Variants in RPSA2 observed in about 807,000 individuals in gnomAD.
RPSA2 encodes the protein small ribosomal subunit protein uS2B.
At chr19:23,805,443 A>C in the RPSA2 span, among the ~76,000 whole-genome samples, 2 of 152,266 alleles carry the variant, frequency 1.3e-5, no homozygotes, top group Middle Eastern at 3.4e-3. Context: ...GATTACAGGC[A>C]TGAGCCACCT....
chr19:23,843,591 A>G, the RPSA2 span, among the ~76,000 whole-genome samples: 2 of 152,154 alleles, frequency 1.3e-5, no homozygotes, highest in African/African-American at 2.4e-5. Context: ...AATATCTCTA[A>G]CTATTTTTGA....
At chr19:23,852,923 T>A in the RPSA2 span, among the ~76,000 whole-genome samples, 1 of 152,260 alleles carries the variant, frequency 6.6e-6, no homozygotes. Flanking sequence ...AATTTTATCC[T>A]GAGCAATGTG....
At chr19:23,802,008 C>T in the RPSA2 span, among the ~76,000 whole-genome samples, 1 of 152,176 alleles carries the variant, frequency 6.6e-6, no homozygotes, top group Admixed American at 6.5e-5. Flanking sequence ...CTAGAATCTG[C>T]ACATAAGGTC....
chr19:23,806,114 G>A, the RPSA2 span, among the ~76,000 whole-genome samples: 3 of 142,448 alleles, frequency 2.1e-5, no homozygotes, highest in Non-Finnish European at 4.5e-5. Flanking sequence ...GCATGATCTC[G>A]GCTCACTGCA....
At chr19:23,832,797 AC>A in the RPSA2 span, 1 of 1,576,312 alleles carries the variant, frequency 6.3e-7, no homozygotes. Context: ...CTGGAGAGAA[AC>A]CCTACAAATG....
At chr19:23,846,023 C>G in the RPSA2 span, among the ~76,000 whole-genome samples, 1 of 152,158 alleles carries the variant, frequency 6.6e-6, no homozygotes, top group Non-Finnish European at 1.5e-5. Flanking sequence ...AATTTCTCCA[C>G]TATTATTGTG....
the RPSA2 span, among the ~76,000 whole-genome samples, chr19:23,787,910 T>A: frequency 1.3e-5 from 2 of 152,168 alleles, no homozygotes; most frequent in Non-Finnish European, 2.9e-5. Context: ...CATCAACTAT[T>A]TTATGTGACT....
the RPSA2 span, among the ~76,000 whole-genome samples, chr19:23,766,036 CA>C: frequency 6.6e-6 from 1 of 151,354 alleles, no homozygotes; most frequent in Non-Finnish European, 1.5e-5. Flanking sequence ...ACTAACATAG[CA>C]GTGGGAATAT....
chr19:23,869,868 C>T, the RPSA2 span, among the ~76,000 whole-genome samples: 29 of 152,316 alleles, frequency 1.9e-4, 1 homozygote, highest in East Asian at 5.6e-3. Context: ...AGAATATCAC[C>T]ACTCAACTTA....
chr19:23,769,818 C>T, the RPSA2 span, among the ~76,000 whole-genome samples: 1 of 152,146 alleles, frequency 6.6e-6, no homozygotes, highest in African/African-American at 2.4e-5. Flanking sequence ...GACCTGCACA[C>T]ATTGTGTGTT....
the RPSA2 span, chr19:23,827,142 C>T: frequency 1.3e-6 from 1 of 774,412 alleles, no homozygotes; most frequent in Non-Finnish European, 2.2e-6. Flanking sequence ...CCCGTCGTAA[C>T]TTAAAGGGAA....
At chr19:23,802,790 G>A in the RPSA2 span, among the ~76,000 whole-genome samples, 2 of 152,146 alleles carry the variant, frequency 1.3e-5, no homozygotes, top group African/African-American at 4.8e-5. Flanking sequence ...ACTATCAACT[G>A]GATAAATGAT....
the RPSA2 span, among the ~76,000 whole-genome samples, chr19:23,815,054 C>T: frequency 1.3e-5 from 2 of 152,246 alleles, no homozygotes; most frequent in South Asian, 2.1e-4. Context: ...CTATGTTGCC[C>T]AGGCTGGCCT....
the RPSA2 span, among the ~76,000 whole-genome samples, chr19:23,783,092 A>AATTT: frequency 6.6e-6 from 1 of 150,758 alleles, no homozygotes; most frequent in Non-Finnish European, 1.5e-5. Context: ...TATTTCTTTT[A>AATTT]ATTAATTAAT....
chr19:23,777,895 T>A, the RPSA2 span, among the ~76,000 whole-genome samples: 1 of 152,330 alleles, frequency 6.6e-6, no homozygotes, highest in Admixed American at 6.5e-5. Context: ...GACATGTCTT[T>A]GTGCCAATCA....
chr19:23,845,717 G>T, the RPSA2 span, among the ~76,000 whole-genome samples: 1 of 152,236 alleles, frequency 6.6e-6, no homozygotes, highest in Non-Finnish European at 1.5e-5. Context: ...GTCTCAAACT[G>T]CTGACCTCAG....
the RPSA2 span, among the ~76,000 whole-genome samples, chr19:23,825,373 G>A: frequency 6.6e-6 from 1 of 152,062 alleles, no homozygotes; most frequent in Non-Finnish European, 1.5e-5. Flanking sequence ...TTATAATTAT[G>A]CATGCTAATT....
At chr19:23,869,026 C>T in the RPSA2 span, among the ~76,000 whole-genome samples, 1 of 152,158 alleles carries the variant, frequency 6.6e-6, no homozygotes, top group Non-Finnish European at 1.5e-5. Context: ...TGTTCTTGGC[C>T]ATGTTAGCTA....
chr19:23,769,759 T>G, the RPSA2 span, among the ~76,000 whole-genome samples: 5 of 152,208 alleles, frequency 3.3e-5, no homozygotes, highest in African/African-American at 1.2e-4. Context: ...GATTGTGGCA[T>G]ATCACTGGGT....
Sources: allele counts gnomAD v4.1 joint callset (sites outside exome capture counted in the v4.1 genomes callset), GRCh38; gene constraint gnomAD v4.1.1; transcripts MANE v1.5; gene names NCBI Gene and HGNC (gene_info 2026-07-23, HGNC 2026-07-21).